LRRIQ3: variants seen among roughly 807,000 people sequenced by gnomAD.
LRRIQ3 encodes leucine-rich repeat and IQ domain-containing protein 3.
Under a neutral mutation model 59.3 loss-of-function variants are expected in LRRIQ3, and 75 were observed. The observed-to-expected ratio is 1.26, with a 90% confidence interval of 1.05 to 1.53. The LOEUF is 1.53. LRRIQ3 is among the 40% of genes most tolerant of loss of function. The probability of loss-of-function intolerance (pLI) is 0.00; values close to 1 mark genes in which losing one functional copy is unlikely to be tolerated. For synonymous variants in LRRIQ3, 250 were observed against 231.3 expected (o/e 1.08, Z -0.73); for missense variants, 831 against 710.0 (o/e 1.17, Z -1.94).
At chr1:74,059,689 C>T (rs1283797615) in intron 6 of LRRIQ3, among the ~76,000 whole-genome samples, 2 of 152,018 alleles carry the variant, frequency 1.3e-5, no homozygotes, top group Admixed American at 1.3e-4. Context: ...AAATCCCCTA[C>T]ATTCTATGTG....
intron 5 of LRRIQ3, among the ~76,000 whole-genome samples, chr1:74,101,950 C>T (rs1204706358): frequency 2.6e-5 from 4 of 151,608 alleles, no homozygotes; most frequent in African/African-American, 9.7e-5. Context: ...AGAAGATATA[C>T]CTAATGTAAA....
intron 5 of LRRIQ3, among the ~76,000 whole-genome samples, chr1:74,108,452 A>G (rs952491628): frequency 6.6e-6 from 1 of 151,788 alleles, no homozygotes; most frequent in African/African-American, 2.4e-5. Flanking sequence ...TCAATGAATA[A>G]CTTTCACACG....
intron 1 of LRRIQ3, among the ~76,000 whole-genome samples, chr1:74,192,721 T>A (rs908521039): frequency 6.6e-6 from 1 of 152,100 alleles, no homozygotes; most frequent in African/African-American, 2.4e-5. Context: ...ATACTGGTTA[T>A]TGCTATTAAA....
chr1:74,074,849 T>C, intron 5 of LRRIQ3, 59 bp from the exon 6 acceptor site: 1 of 843,112 alleles, frequency 1.2e-6, no homozygotes, highest in Non-Finnish European at 1.7e-6. Flanking sequence ...TTAGAGTTCT[T>C]CAAGGGTTTT....
At chr1:74,064,766 G>T (rs1310408695) in intron 6 of LRRIQ3, among the ~76,000 whole-genome samples, 1 of 151,800 alleles carries the variant, frequency 6.6e-6, no homozygotes, top group Non-Finnish European at 1.5e-5. Context: ...ACTGCCTCTG[G>T]CCTCATTATA....
intron 6 of LRRIQ3, among the ~76,000 whole-genome samples, chr1:74,071,490 G>A (rs938826358): frequency 3.9e-5 from 6 of 152,154 alleles, no homozygotes; most frequent in African/African-American, 4.8e-5. Flanking sequence ...TAGAGACTTT[G>A]TTTTTCCAAG....
intron 1 of LRRIQ3, among the ~76,000 whole-genome samples, chr1:74,194,765 A>T (rs1429399303): frequency 1.3e-5 from 2 of 152,164 alleles, no homozygotes; most frequent in African/African-American, 2.4e-5. Flanking sequence ...CTAGCCCAAA[A>T]CATTCCTTGG....
chr1:74,194,888 T>TTA (rs1463511664), intron 1 of LRRIQ3, among the ~76,000 whole-genome samples: 1 of 152,198 alleles, frequency 6.6e-6, no homozygotes, highest in Non-Finnish European at 1.5e-5. Context: ...TTGACTCTAC[T>TTA]AATTTATATT....
At chr1:74,153,861 T>A (rs979615096) in intron 4 of LRRIQ3, among the ~76,000 whole-genome samples, 1 of 152,158 alleles carries the variant, frequency 6.6e-6, no homozygotes, top group Non-Finnish European at 1.5e-5. Context: ...ACTGTCTGCA[T>A]GCTGGAAGGG....
chr1:74,108,917 C>A, intron 5 of LRRIQ3: 1 of 408,200 alleles, frequency 2.4e-6, no homozygotes, highest in Non-Finnish European at 4.8e-6. Flanking sequence ...AAGTTACATA[C>A]CACTTGCAAA....
intron 4 of LRRIQ3, among the ~76,000 whole-genome samples, chr1:74,141,958 T>C (rs1647273522): frequency 6.6e-6 from 1 of 150,608 alleles, no homozygotes; most frequent in South Asian, 2.1e-4. Flanking sequence ...CTGAATAATA[T>C]TATTCTGAAT....
At chr1:74,169,063 G>T (rs1005919644) in intron 3 of LRRIQ3, among the ~76,000 whole-genome samples, 1 of 152,074 alleles carries the variant, frequency 6.6e-6, no homozygotes, top group African/African-American at 2.4e-5. Context: ...TGTAAACCTT[G>T]AACAACACTT....
At chr1:74,052,635 G>A (rs748439717) in intron 6 of LRRIQ3, among the ~76,000 whole-genome samples, 4 of 151,956 alleles carry the variant, frequency 2.6e-5, no homozygotes, top group South Asian at 2.1e-4. Flanking sequence ...GGCAGAGAGC[G>A]GTTATTCATT....
At chr1:74,172,527 G>A (rs188193669) in intron 3 of LRRIQ3, among the ~76,000 whole-genome samples, 1 of 152,238 alleles carries the variant, frequency 6.6e-6, no homozygotes, top group East Asian at 1.9e-4. Context: ...AAGGTTCTGT[G>A]TGTGCTTGAA....
At position 74,187,368 on chromosome 1, in the gene LRRIQ3, A is replaced by ACACACACACACACC. The variant is rs1570281584; in HGVS notation, c.1-3685_1-3684insGGTGTGTGTGTGTG. ...GGTATATGTTTACACACACACACACACACACACACACACACCATGGAATAC... is the reference window on the plus strand; with the variant it reads ...GGTATATGTTTACACACACACACACACACACACACACACCCACACACACACACACCATGGAATAC... On this transcript the variant is annotated intron_variant, in intron 1 of 7. Coordinates refer to ENST00000354431, the MANE Select transcript of LRRIQ3 (RefSeq NM_001105659.2). Among the ~76,000 whole-genome samples, 4 of 152,112 alleles carry ACACACACACACACC rather than the reference A, an allele frequency of 2.6e-5. No homozygotes were observed. The East Asian group carries it at 7.7e-4, about 29-fold the overall frequency.
At chr1:74,115,107 C>T (rs148527194) in intron 4 of LRRIQ3, among the ~76,000 whole-genome samples, 1 of 152,086 alleles carries the variant, frequency 6.6e-6, no homozygotes, top group Admixed American at 6.6e-5. Flanking sequence ...ATCATTTCCA[C>T]AACCTACAGA....
chr1:74,125,424 G>T (rs1199509106), intron 4 of LRRIQ3, among the ~76,000 whole-genome samples: 1 of 151,916 alleles, frequency 6.6e-6, no homozygotes, highest in Non-Finnish European at 1.5e-5. Context: ...GGACATCCTT[G>T]TTGTGTTCCA....
intron 6 of LRRIQ3, among the ~76,000 whole-genome samples, chr1:74,064,399 T>C (rs1654813936): frequency 6.6e-6 from 1 of 152,004 alleles, no homozygotes; most frequent in Non-Finnish European, 1.5e-5. Flanking sequence ...TGTATACATA[T>C]TGTTTTATTC....
At chr1:74,166,271 G>A (rs1315261479) in intron 3 of LRRIQ3, among the ~76,000 whole-genome samples, 1 of 150,998 alleles carries the variant, frequency 6.6e-6, no homozygotes, top group African/African-American at 2.4e-5. Flanking sequence ...TTTCATGGTG[G>A]GTGAGTTTTT....
Sources: gnomAD v4.1 joint callset for allele counts (sites outside exome capture counted in the v4.1 genomes callset) on GRCh38, gnomAD v4.1.1 for gene constraint, MANE v1.5 for transcripts, NCBI Gene and HGNC (gene_info 2026-07-23, HGNC 2026-07-21) for gene names.